KANK1: variants seen among roughly 807,000 people sequenced by gnomAD.
KANK1 encodes KN motif and ankyrin repeat domain-containing protein 1.
In KANK1, 109 loss-of-function variants were observed where a neutral mutation model predicts 106.2. The observed-to-expected ratio is 1.03, with a 90% CI of 0.88 to 1.20. KANK1 has a LOEUF of 1.20. Ranked by LOEUF, KANK1 falls within the 50% of genes most tolerant of loss-of-function variation. The pLI, the probability that KANK1 is intolerant of heterozygous loss-of-function variation, is 0.00. For synonymous variants in KANK1, 873 were observed against 652.2 expected (o/e 1.34, Z -5.16); for missense variants, 2,399 against 1,710.7 (o/e 1.40, Z -7.10).
At chr9:600,358 G>C (rs571240182) in intron 1 of KANK1, among the ~76,000 whole-genome samples, 1 of 151,780 alleles carries the variant, frequency 6.6e-6, no homozygotes, top group African/African-American at 2.4e-5. Context: ...TGTAACATGT[G>C]TCCAAATTTC....
In KANK1 at chr9:677,011, T is replaced by C; in HGVS notation, c.37+2T>C. ...CAAAGGTTAACGGCAGTGCCTCAGG[T>C]AACCCTGTGCTCTGGAGTTTGTGTG... On this transcript the variant is annotated splice_donor_variant, in intron 2 of 11. Transcript: ENST00000382297. LOFTEE classifies it high-confidence loss of function. The C allele has an allele frequency of 1.2e-6, 2 of 1,613,472 alleles. No homozygotes were observed.
At chr9:604,788 C>G (rs1828674701) in intron 1 of KANK1, among the ~76,000 whole-genome samples, 2 of 151,816 alleles carry the variant, frequency 1.3e-5, no homozygotes, top group Admixed American at 6.6e-5. Context: ...CAAGATTGTG[C>G]CACTGCACTT....
chr9:720,410 T>A (rs1828990025), intron 3 of KANK1, among the ~76,000 whole-genome samples: 1 of 151,938 alleles, frequency 6.6e-6, no homozygotes, highest in Non-Finnish European at 1.5e-5. Context: ...AGTGGTGCAA[T>A]CATAGCTCAC....
intron 1 of KANK1, among the ~76,000 whole-genome samples, chr9:630,319 C>T (rs1259521628): frequency 2.5e-4 from 37 of 150,014 alleles, no homozygotes. Context: ...ACTTTGGAGG[C>T]TGAGGCGGAT....
At chr9:725,477 A>C (rs1830410832) in intron 3 of KANK1, among the ~76,000 whole-genome samples, 1 of 144,842 alleles carries the variant, frequency 6.9e-6, no homozygotes. Flanking sequence ...AGCCTGGGTG[A>C]CAGAGCAAGA....
chr9:488,043 T>C (rs1273636266), intron 3 of KANK1, among the ~76,000 whole-genome samples: 2 of 152,200 alleles, frequency 1.3e-5, no homozygotes, highest in Non-Finnish European at 2.9e-5. Flanking sequence ...CTTCCCAAGC[T>C]CTCATTTCTA....
At chr9:504,611 C>G (rs2058641620), upstream of KANK1, 2 of 151,258 alleles carry the variant, frequency 1.3e-5, no homozygotes, top group Admixed American at 1.3e-4. Flanking sequence ...CTTCCCCGCC[C>G]CGGCGGCGGC....
At chr9:545,724 CTTTTTTTTTTTTT>C (rs61622402) in intron 1 of KANK1, among the ~76,000 whole-genome samples, 21 of 102,680 alleles carry the variant, frequency 2.0e-4, no homozygotes, top group South Asian at 6.7e-4. Context: ...TGTACAGAGC[CTTTTTTTTTTTTT>C]TTTTTTTTTT....
intron 1 of KANK1, among the ~76,000 whole-genome samples, chr9:643,246 A>T (rs1279718167): frequency 1.3e-5 from 2 of 150,858 alleles, no homozygotes; most frequent in Admixed American, 1.3e-4. Context: ...TTCTAATGAG[A>T]AGATCCATAA....
chr9:542,223 A>T (rs2060646035), intron 1 of KANK1, among the ~76,000 whole-genome samples: 1 of 150,984 alleles, frequency 6.6e-6, no homozygotes, highest in South Asian at 2.1e-4. Context: ...GAGTGGCCAG[A>T]TGCAGTGGCT....
intron 1 of KANK1, among the ~76,000 whole-genome samples, chr9:630,529 C>T (rs536908244): frequency 9.1e-4 from 139 of 152,074 alleles, no homozygotes; most frequent in Admixed American, 4.6e-4. Flanking sequence ...GCAGCCTGGG[C>T]GACAGAGCGA....
In KANK1 at chr9:738,176, A is replaced by G. The variant is rs551945890; in HGVS notation, c.3334-109A>G. 62 of 865,026 alleles carry G rather than the reference A, an allele frequency of 7.2e-5. 1 individual carries two copies. The South Asian group carries it at 1.0e-3, about 14-fold the overall frequency. The allele number at this position is 865,026 out of a possible 1,614,324, so 53.6% of individuals were successfully genotyped here. On this transcript the variant is annotated intron_variant, in intron 7 of 11. Coordinates refer to ENST00000382297, the MANE Select transcript of KANK1 (RefSeq NM_015158.5). Reference sequence around the variant, plus strand: ...CTGTTGGTTTTTGAGAGCAGATTCTAACTGCATATATATACTTTGACTATA... The same window carrying G: ...CTGTTGGTTTTTGAGAGCAGATTCTGACTGCATATATATACTTTGACTATA...
At chr9:560,743 G>C (rs564528147) in intron 1 of KANK1, among the ~76,000 whole-genome samples, 36 of 151,886 alleles carry the variant, frequency 2.4e-4, no homozygotes, top group Admixed American at 1.9e-3. Flanking sequence ...ATTGTTGGGA[G>C]GGAAGCTAAC....
At chr9:667,085 C>G (rs748253177) in intron 1 of KANK1, among the ~76,000 whole-genome samples, 13 of 149,684 alleles carry the variant, frequency 8.7e-5, no homozygotes, top group Non-Finnish European at 1.8e-4. Context: ...CTCGACTTTT[C>G]TTTGATAGGA....
At position 744,558 on chromosome 9, in the gene KANK1, C is replaced by G. The variant is rs1358823293; in HGVS notation, c.3965C>G (p.Ala1322Gly). ...AAGGACATCGCTGTTCTTCTGTATG[C>G]CCATGTCAACTTTGCAAAAGCCCAG... ...GHKDIAVLLY[A>G]HVNFAKAQSP... The change falls in exon 11 of 12, where the codon GCC becomes GGC. Residue 1322 changes from alanine to glycine, a missense_variant. By Grantham distance (60) the Ala-to-Gly change is moderately conservative (BLOSUM62 0). Transcript: ENST00000382297. The G allele has an allele frequency of 6.2e-7, 1 of 1,614,130 alleles. No individual in the cohort carries two copies. The highest frequency in any genetic ancestry group is 8.5e-7 in the Non-Finnish European group (1 of 1,180,002).
chr9:700,536 C>T (rs2130195731), intron 2 of KANK1, among the ~76,000 whole-genome samples: 1 of 152,296 alleles, frequency 6.6e-6, no homozygotes, highest in South Asian at 2.1e-4. Flanking sequence ...CTGAGTTCAT[C>T]CTACTGGTTT....
At chr9:744,845 G>T in intron 11 of KANK1, 1 of 1,418,168 alleles carries the variant, frequency 7.1e-7, no homozygotes, top group Non-Finnish European at 9.2e-7. Flanking sequence ...TTGATTCTGT[G>T]CAGAATTATC....
chr9:740,990 T>G, intron 9 of KANK1, 56 bp downstream of exon 9: 1 of 1,593,108 alleles, frequency 6.3e-7, no homozygotes, highest in South Asian at 1.1e-5. Context: ...CAGACAGGAC[T>G]GCGGTGGCCA....
intron 1 of KANK1, among the ~76,000 whole-genome samples, chr9:671,504 C>CGTA (rs1563961975): frequency 4.7e-4 from 3 of 6,324 alleles, no homozygotes; most frequent in Middle Eastern, 0.071. Flanking sequence ...ATTAGCTGGA[C>CGTA]GTGGTGGAGG....
Sources: allele counts gnomAD v4.1 joint callset (sites outside exome capture counted in the v4.1 genomes callset), GRCh38; gene constraint gnomAD v4.1.1; transcripts MANE v1.5; gene names NCBI Gene and HGNC (gene_info 2026-07-23, HGNC 2026-07-21).